Variants in CCDC178 observed in about 807,000 individuals in gnomAD.
CCDC178 encodes the protein coiled-coil domain-containing protein 178.
Under a neutral mutation model 117.4 loss-of-function variants are expected in CCDC178, and 126 were observed. The observed-to-expected ratio is 1.07, with a 90% CI of 0.93 to 1.24. The LOEUF is 1.24. Among genes scored for constraint, CCDC178 ranks in the 50% most tolerant of loss-of-function variants. CCDC178 has a pLI of 0.00. For missense variants in CCDC178, 1,030 were observed against 986.9 expected, an observed-to-expected ratio of 1.04 and a Z score of -0.59; for synonymous variants, 283 against 313.4, an observed-to-expected ratio of 0.90 and a Z score of 1.02.
At chr18:33,007,691 C>T (rs1249047029) in intron 21 of CCDC178, among the ~76,000 whole-genome samples, 2 of 152,090 alleles carry the variant, frequency 1.3e-5, no homozygotes, top group Non-Finnish European at 2.9e-5. Flanking sequence ...TAAGTACATA[C>T]AAATCAAGGC....
chr18:33,238,467 C>A, intron 15 of CCDC178, among the ~76,000 whole-genome samples: 1 of 151,450 alleles, frequency 6.6e-6, no homozygotes, highest in Non-Finnish European at 1.5e-5. Context: ...AAAAAAGAAC[C>A]AAACAGAAAA....
At chr18:33,350,830 T>A (rs940570452) in intron 7 of CCDC178, among the ~76,000 whole-genome samples, 2 of 152,018 alleles carry the variant, frequency 1.3e-5, no homozygotes, top group African/African-American at 4.8e-5. Context: ...AGGTTTCACT[T>A]TTTGAGGAGC....
intron 21 of CCDC178, among the ~76,000 whole-genome samples, chr18:33,082,288 T>C (rs1034991999): frequency 4.6e-5 from 7 of 151,980 alleles, no homozygotes; most frequent in South Asian, 2.1e-4. Context: ...CTGGGCAACA[T>C]AGTGAAACTC....
At chr18:33,166,782 A>G (rs1387058061) in intron 20 of CCDC178, among the ~76,000 whole-genome samples, 1 of 152,018 alleles carries the variant, frequency 6.6e-6, no homozygotes, top group Non-Finnish European at 1.5e-5. Flanking sequence ...GTCTGATTTG[A>G]TTTTCTAACT....
intron 15 of CCDC178, among the ~76,000 whole-genome samples, chr18:33,241,058 A>G (rs892199738): frequency 3.9e-5 from 6 of 152,000 alleles, no homozygotes; most frequent in Non-Finnish European, 7.4e-5. Flanking sequence ...AAATTAATAA[A>G]TGTGATACAT....
rs141140058 is a variant in CCDC178, at chr18:33,063,321, G to A, written c.2388+29440C>T. ...TGGAGATCAAACTGTTCTGCCTACC[G>A]CTGCTAGCACCCATGCATACCTTCC... On this transcript the variant is annotated intron_variant, in intron 21 of 22. Transcript: ENST00000383096. Among the ~76,000 whole-genome samples the A allele has an allele frequency of 1.2e-3, 187 of 152,254 alleles. 5 individuals are homozygous for A. In the East Asian group the frequency reaches 0.032, roughly 26 times the overall value.
At chr18:33,047,783 T>C (rs1053229567) in intron 21 of CCDC178, among the ~76,000 whole-genome samples, 6 of 152,190 alleles carry the variant, frequency 3.9e-5, no homozygotes, top group African/African-American at 1.4e-4. Context: ...CAATTTTCAG[T>C]ATTTATAATT....
intron 20 of CCDC178, among the ~76,000 whole-genome samples, chr18:33,116,663 C>G (rs2144189690): frequency 1.3e-5 from 2 of 152,126 alleles, no homozygotes; most frequent in South Asian, 4.1e-4. Flanking sequence ...TGTTGGCTGT[C>G]AGCCAGGCAT....
At chr18:33,209,254 A>T (rs1372285391) in intron 20 of CCDC178, among the ~76,000 whole-genome samples, 2 of 152,054 alleles carry the variant, frequency 1.3e-5, no homozygotes, top group African/African-American at 2.4e-5. Context: ...GGAATTGCCT[A>T]CTGAAGAGAG....
intron 20 of CCDC178, among the ~76,000 whole-genome samples, chr18:33,200,229 G>C (rs778933099): frequency 9.2e-5 from 14 of 152,122 alleles, no homozygotes; most frequent in Non-Finnish European, 1.6e-4. Context: ...CATTGCACTG[G>C]GGTAATGGGA....
At chr18:33,226,038 G>A (rs1364249826) in intron 16 of CCDC178, among the ~76,000 whole-genome samples, 2 of 152,140 alleles carry the variant, frequency 1.3e-5, no homozygotes, top group African/African-American at 2.4e-5. Context: ...GTGCATGCCT[G>A]TAATCCCAGC....
intron 21 of CCDC178, among the ~76,000 whole-genome samples, chr18:33,035,084 TC>T (rs2056418196): frequency 6.6e-6 from 1 of 151,970 alleles, no homozygotes; most frequent in South Asian, 2.1e-4. Context: ...GAAGTAGAAC[TC>T]TGTAGAGAGC....
At chr18:33,123,887 C>T (rs567067533) in intron 20 of CCDC178, among the ~76,000 whole-genome samples, 2 of 152,220 alleles carry the variant, frequency 1.3e-5, no homozygotes, top group Non-Finnish European at 1.5e-5. Flanking sequence ...TTTGCCTGTC[C>T]CTTTTAATCT....
At chr18:33,212,185 A>C in intron 19 of CCDC178, 130 bp from the exon 20 acceptor site, 1 of 614,238 alleles carries the variant, frequency 1.6e-6, no homozygotes. Context: ...CCTTGGAAAA[A>C]TTCCCTGGTT....
intron 20 of CCDC178, among the ~76,000 whole-genome samples, chr18:33,114,521 C>A (rs191321201): frequency 4.3e-4 from 66 of 152,076 alleles, no homozygotes; most frequent in African/African-American, 1.6e-3. Context: ...TAATTAATGG[C>A]TAATAGTCCA....
At chr18:33,304,866 T>C (rs930457373) in intron 11 of CCDC178, among the ~76,000 whole-genome samples, 1 of 152,208 alleles carries the variant, frequency 6.6e-6, no homozygotes, top group Admixed American at 6.5e-5. Flanking sequence ...AAGGCAGCGC[T>C]CAAGTTCAGG....
At chr18:33,250,879 T>C (rs560012366) in intron 14 of CCDC178, among the ~76,000 whole-genome samples, 1 of 151,556 alleles carries the variant, frequency 6.6e-6, no homozygotes, top group Admixed American at 6.6e-5. Context: ...TCAGAACTCT[T>C]AAGAAAAGAA....
At chr18:33,318,584 T>C (rs1339515333) in intron 11 of CCDC178, among the ~76,000 whole-genome samples, 1 of 152,120 alleles carries the variant, frequency 6.6e-6, no homozygotes, top group African/African-American at 2.4e-5. Flanking sequence ...GCACAAGACA[T>C]AGAAAATGGG....
At chr18:33,254,609 G>A (rs1375730940) in intron 14 of CCDC178, among the ~76,000 whole-genome samples, 2 of 151,930 alleles carry the variant, frequency 1.3e-5, no homozygotes, top group Admixed American at 6.6e-5. Flanking sequence ...TTGTAGACAA[G>A]GGAAGATAAG....
Sources: allele counts gnomAD v4.1 joint callset (sites outside exome capture counted in the v4.1 genomes callset), GRCh38; gene constraint gnomAD v4.1.1; transcripts MANE v1.5; gene names NCBI Gene and HGNC (gene_info 2026-07-23, HGNC 2026-07-21).